Variants in TMEFF2 observed in about 807,000 individuals in gnomAD.
TMEFF2 encodes the protein tomoregulin-2.
Under a neutral mutation model 53.8 loss-of-function variants are expected in TMEFF2, and 28 were observed. That is an observed-to-expected ratio of 0.52 (90% CI 0.39 to 0.71). The LOEUF is 0.71. Among genes scored for constraint, TMEFF2 ranks in the 30% least tolerant of loss-of-function variants. The pLI is 0.00. For synonymous variants in TMEFF2, 162 were observed against 166.3 expected (o/e 0.97, Z 0.20); for missense variants, 353 against 455.2 (o/e 0.78, Z 2.04).
chr2:192,042,466 G>C (rs1257238951), intron 5 of TMEFF2, among the ~76,000 whole-genome samples: 1 of 152,180 alleles, frequency 6.6e-6, no homozygotes, highest in Non-Finnish European at 1.5e-5. Context: ...GCACCTAAAA[G>C]TGTGATAGGA....
intron 7 of TMEFF2, among the ~76,000 whole-genome samples, chr2:191,979,746 G>A (rs1380469465): frequency 6.7e-6 from 1 of 150,264 alleles, no homozygotes; most frequent in Non-Finnish European, 1.5e-5. Flanking sequence ...TAAATGCCCA[G>A]TAGAGATAAA....
rs182773395 is a variant in TMEFF2 at position 192,007,669 on chromosome 2, G to T, written c.537-8461C>A. Among the ~76,000 whole-genome samples, 432 of 152,284 alleles carry T rather than the reference G, an allele frequency of 2.8e-3. 8 individuals carry two copies. Among genetic ancestry groups the T allele is most frequent in the South Asian group, 0.025 (119 of 4,820 alleles). ...CCTTTATCTTCTGGGGAATGAGGAG[G>T]CCTGAAAGGTTTTTGAGCACAGTGT... On this transcript the variant is annotated intron_variant, in intron 5 of 9. Transcript: ENST00000272771.
At chr2:192,154,905 G>C (rs1221378681) in intron 4 of TMEFF2, among the ~76,000 whole-genome samples, 3 of 151,766 alleles carry the variant, frequency 2.0e-5, no homozygotes, top group African/African-American at 7.3e-5. Flanking sequence ...ACTGCATTTT[G>C]GGCAGAATAG....
At chr2:192,107,951 GTT>G (rs111256461) in intron 4 of TMEFF2, among the ~76,000 whole-genome samples, 2 of 120,420 alleles carry the variant, frequency 1.7e-5, no homozygotes, top group East Asian at 2.0e-4. Flanking sequence ...CAATATAACT[GTT>G]TTTTTTTTTA....
intron 5 of TMEFF2, among the ~76,000 whole-genome samples, chr2:192,015,931 G>A (rs1686734804): frequency 6.6e-6 from 1 of 152,138 alleles, no homozygotes; most frequent in Admixed American, 6.5e-5. Flanking sequence ...TAGGCTTATA[G>A]TCTTAGAAAA....
chr2:192,110,714 G>T (rs1161140120), intron 4 of TMEFF2, among the ~76,000 whole-genome samples: 6 of 152,062 alleles, frequency 3.9e-5, no homozygotes, highest in African/African-American at 1.4e-4. Context: ...ATGAAGTCTT[G>T]TTAAGATGTG....
At chr2:192,082,977 C>CTTTTT (rs1688588691) in intron 4 of TMEFF2, among the ~76,000 whole-genome samples, 1 of 148,592 alleles carries the variant, frequency 6.7e-6, no homozygotes. Flanking sequence ...TTTTTTTTTC[C>CTTTTT]GAACATGGTC....
intron 5 of TMEFF2, chr2:192,028,478 TTGTGTGTG>T (rs60188276): frequency 4.6e-4 from 68 of 149,430 alleles, no homozygotes; most frequent in Non-Finnish European, 6.4e-4. Context: ...TCATACTGTT[TTGTGTGTG>T]TGTGTGTGTG....
intron 5 of TMEFF2, among the ~76,000 whole-genome samples, chr2:192,057,440 G>T (rs1687937580): frequency 6.6e-6 from 1 of 151,894 alleles, no homozygotes; most frequent in African/African-American, 2.4e-5. Context: ...TGACAGTTTT[G>T]GGGGGCTTCA....
At chr2:192,124,519 T>C (rs1211488929) in intron 4 of TMEFF2, among the ~76,000 whole-genome samples, 3 of 152,200 alleles carry the variant, frequency 2.0e-5, no homozygotes, top group Non-Finnish European at 2.9e-5. Context: ...TTGCTCCTTC[T>C]CTGGGTCAAA....
chr2:192,167,513 A>C (rs1690798167), intron 4 of TMEFF2, among the ~76,000 whole-genome samples: 1 of 152,124 alleles, frequency 6.6e-6, no homozygotes, highest in South Asian at 2.1e-4. Flanking sequence ...CTTTTCTACA[A>C]AATGCTGAAC....
chr2:192,042,899 A>C (rs1399612387), intron 5 of TMEFF2, among the ~76,000 whole-genome samples: 1 of 152,226 alleles, frequency 6.6e-6, no homozygotes, highest in African/African-American at 2.4e-5. Flanking sequence ...CCTTCTACCC[A>C]TATTGTTAGA....
At chr2:191,989,702 A>G (rs1303952944) in intron 7 of TMEFF2, among the ~76,000 whole-genome samples, 1 of 152,134 alleles carries the variant, frequency 6.6e-6, no homozygotes, top group Non-Finnish European at 1.5e-5. Context: ...ATTCTGGCAT[A>G]TCCTGTCCAG....
intron 7 of TMEFF2, among the ~76,000 whole-genome samples, chr2:191,985,592 CCTT>C (rs1286092138): frequency 6.6e-6 from 1 of 152,168 alleles, no homozygotes; most frequent in Non-Finnish European, 1.5e-5. Flanking sequence ...ACCAACTCCT[CCTT>C]CTTAGATATT....
At chr2:192,116,341 G>T (rs1196960721) in intron 4 of TMEFF2, among the ~76,000 whole-genome samples, 1 of 151,884 alleles carries the variant, frequency 6.6e-6, no homozygotes, top group Admixed American at 6.6e-5. Context: ...GAGGAAATGG[G>T]GAGATGTTGG....
intron 4 of TMEFF2, among the ~76,000 whole-genome samples, chr2:192,135,654 C>A (rs958564917): frequency 1.3e-5 from 2 of 152,046 alleles, no homozygotes; most frequent in African/African-American, 4.8e-5. Flanking sequence ...TTTTATTTTT[C>A]TTATTAATAT....
chr2:192,109,218 T>C (rs577400955), intron 4 of TMEFF2, among the ~76,000 whole-genome samples: 1 of 152,190 alleles, frequency 6.6e-6, no homozygotes, highest in East Asian at 1.9e-4. Context: ...AAGAACAATA[T>C]GAAATAAATA....
At chr2:192,096,172 T>A (rs1384260267) in intron 4 of TMEFF2, among the ~76,000 whole-genome samples, 1 of 152,182 alleles carries the variant, frequency 6.6e-6, no homozygotes, top group Non-Finnish European at 1.5e-5. Context: ...AAACTATGAC[T>A]TGGTCCCCCA....
chr2:192,084,328 C>A (rs1017064559), intron 4 of TMEFF2, among the ~76,000 whole-genome samples: 2 of 152,160 alleles, frequency 1.3e-5, no homozygotes, highest in Admixed American at 6.5e-5. Flanking sequence ...TGTTCCACAG[C>A]AAAATTATAA....
Sources: allele counts gnomAD v4.1 joint callset (sites outside exome capture counted in the v4.1 genomes callset), GRCh38; gene constraint gnomAD v4.1.1; transcripts MANE v1.5; gene names NCBI Gene and HGNC (gene_info 2026-07-23, HGNC 2026-07-21).